The following SHISA9 variants were observed in gnomAD, a reference collection of about 807,000 sequenced individuals.
The protein encoded by SHISA9 is protein shisa-9.
SHISA9 carries 13 observed loss-of-function variants against 38.0 expected under a neutral mutation model. The ratio of observed to expected loss-of-function variants is 0.34; its 90% CI spans 0.22 to 0.54. The LOEUF is 0.54. SHISA9 is among the 20% of genes least tolerant of loss of function. The pLI is 0.91. For synonymous variants in SHISA9, 275 were observed against 242.0 expected, an observed-to-expected ratio of 1.14 and a Z score of -1.27; for missense variants, 538 against 575.8, an observed-to-expected ratio of 0.93 and a Z score of 0.67.
At chr16:13,262,658 A>AAGGGAGGGAGGGAGGGAGGGAGGGAGGG in the SHISA9 span, among the ~76,000 whole-genome samples, 2 of 51,836 alleles carry the variant, frequency 3.9e-5, no homozygotes, top group African/African-American at 1.9e-4. Flanking sequence ...GGAAGGAAGG[A>AAGGGAGGGAGGGAGGGAGGGAGGGAGGG]AGGAAGGAAG....
chr16:13,373,459 A>C, the SHISA9 span, among the ~76,000 whole-genome samples: 9 of 152,142 alleles, frequency 5.9e-5, no homozygotes, highest in African/African-American at 1.9e-4. Context: ...TGGCTCGCTC[A>C]TCCGTAAGAT....
the SHISA9 span, among the ~76,000 whole-genome samples, chr16:13,468,955 AAAAG>A: frequency 1.3e-5 from 2 of 151,996 alleles, no homozygotes; most frequent in East Asian, 3.9e-4. Flanking sequence ...ACAACAACAA[AAAAG>A]AGGCTGGGCA....
At position 13,074,953 on chromosome 16, in the gene SHISA9, C is replaced by T. The variant is rs565571780; in HGVS notation, c.692-128441C>T. Among the ~76,000 whole-genome samples, 110 of 152,146 alleles carry T rather than the reference C, an allele frequency of 7.2e-4. 2 individuals are homozygous for T. The South Asian group carries it at 0.022, about 30-fold the overall frequency. On this transcript the variant is annotated intron_variant, in intron 2 of 4. Transcript: ENST00000558583. ...TGCTGGGATTACCGGTGTGAGCCACCGTGCCTGGCCATTACTATTATTTTT... is the reference window on the plus strand; with the variant it reads ...TGCTGGGATTACCGGTGTGAGCCACTGTGCCTGGCCATTACTATTATTTTT...
At chr16:13,070,806 C>G (rs2073504727) in intron 2 of SHISA9, among the ~76,000 whole-genome samples, 1 of 152,268 alleles carries the variant, frequency 6.6e-6, no homozygotes, top group Admixed American at 6.5e-5. Flanking sequence ...TGAGGTCATA[C>G]AGTGGCTAAG....
chr16:13,426,997 G>A, the SHISA9 span, among the ~76,000 whole-genome samples: 5 of 152,168 alleles, frequency 3.3e-5, no homozygotes, highest in African/African-American at 7.2e-5. Flanking sequence ...CACTCATGCC[G>A]ATTGTCTACT....
the SHISA9 span, among the ~76,000 whole-genome samples, chr16:13,498,004 CA>C: frequency 6.6e-6 from 1 of 151,640 alleles, no homozygotes; most frequent in Non-Finnish European, 1.5e-5. Flanking sequence ...AAAAAAATCA[CA>C]AAGCAAACAC....
intron 2 of SHISA9, among the ~76,000 whole-genome samples, chr16:13,002,429 G>A (rs2072537143): frequency 6.6e-6 from 1 of 151,918 alleles, no homozygotes; most frequent in Non-Finnish European, 1.5e-5. Flanking sequence ...GCTCCAGGAA[G>A]TTAAGTCTCA....
chr16:13,080,848 C>G (rs1295864266), intron 2 of SHISA9, among the ~76,000 whole-genome samples: 1 of 152,162 alleles, frequency 6.6e-6, no homozygotes, highest in African/African-American at 2.4e-5. Context: ...GCTCTGGAGA[C>G]TGGGAAGTCG....
At chr16:13,100,327 G>C (rs2141956508) in intron 2 of SHISA9, among the ~76,000 whole-genome samples, 1 of 152,162 alleles carries the variant, frequency 6.6e-6, no homozygotes, top group South Asian at 2.1e-4. Flanking sequence ...TTATTTTTTT[G>C]AGTAGGTCAA....
chr16:13,121,884 G>A (rs1385202465), intron 2 of SHISA9, among the ~76,000 whole-genome samples: 1 of 115,552 alleles, frequency 8.7e-6, no homozygotes, highest in Admixed American at 8.8e-5. Context: ...CACACACACA[G>A]AACAGGCCTA....
At chr16:13,382,044 A>T in the SHISA9 span, among the ~76,000 whole-genome samples, 2 of 152,238 alleles carry the variant, frequency 1.3e-5, no homozygotes, top group Admixed American at 1.3e-4. Context: ...AAAAAATTTT[A>T]AAGTTTGATA....
At chr16:13,267,847 G>A in the SHISA9 span, among the ~76,000 whole-genome samples, 1 of 150,850 alleles carries the variant, frequency 6.6e-6, no homozygotes, top group African/African-American at 2.4e-5. Context: ...TACATTGCCT[G>A]AGAGGGGGTT....
intron 4 of SHISA9, among the ~76,000 whole-genome samples, chr16:13,214,495 C>A (rs1026616346): frequency 6.6e-6 from 1 of 152,110 alleles, no homozygotes; most frequent in African/African-American, 2.4e-5. Context: ...CATGAGCCAC[C>A]ATGCCTGGCC....
intron 2 of SHISA9, among the ~76,000 whole-genome samples, chr16:13,050,591 C>G (rs1215073167): frequency 6.6e-6 from 1 of 152,222 alleles, no homozygotes; most frequent in Non-Finnish European, 1.5e-5. Flanking sequence ...TTCAGCCTCC[C>G]AAAGTGCTGG....
chr16:13,275,524 C>T, the SHISA9 span, among the ~76,000 whole-genome samples: 3 of 152,010 alleles, frequency 2.0e-5, no homozygotes, highest in East Asian at 1.9e-4. Flanking sequence ...GATGTATGTT[C>T]ATGAGTACAT....
chr16:13,293,521 G>A, the SHISA9 span, among the ~76,000 whole-genome samples: 6 of 152,284 alleles, frequency 3.9e-5, no homozygotes, highest in East Asian at 9.6e-4. Flanking sequence ...TTGTAAAATG[G>A]AGGAAGTAGT....
chr16:13,356,250 C>T, the SHISA9 span, among the ~76,000 whole-genome samples: 11 of 152,118 alleles, frequency 7.2e-5, no homozygotes, highest in Non-Finnish European at 7.3e-5. Flanking sequence ...TATTTAATGT[C>T]GGGAGCAGAT....
Position 12,901,875 on chromosome 16 carries a change from G to A in SHISA9, c.-190G>A. 5.5e-6 allele frequency: 1 copy of A among 181,994 alleles called. No homozygotes were observed. The highest frequency in any genetic ancestry group is 1.6e-4 in the East Asian group (1 of 6,372). The allele number at this position is 181,994 out of a possible 1,614,324, so 11.3% of individuals were successfully genotyped here. ...GGCGCGCTGGAGGCGAACGCGGGCT[G>A]AGGCGAACGCGGGCTGAGCCGAGCG... is the stretch of plus-strand genomic sequence containing the variant. On this transcript the variant is annotated 5_prime_UTR_variant, in exon 1 of 5. Coordinates refer to ENST00000558583, the MANE Select transcript of SHISA9 (RefSeq NM_001145204.3).
At chr16:13,373,153 C>T in the SHISA9 span, among the ~76,000 whole-genome samples, 4 of 152,040 alleles carry the variant, frequency 2.6e-5, no homozygotes, top group African/African-American at 9.7e-5. Flanking sequence ...TTAGTTGCTC[C>T]CCTGACTCCA....
Sources: gnomAD v4.1 joint callset for allele counts (sites outside exome capture counted in the v4.1 genomes callset) on GRCh38, gnomAD v4.1.1 for gene constraint, MANE v1.5 for transcripts, NCBI Gene and HGNC (gene_info 2026-07-23, HGNC 2026-07-21) for gene names.